The following SACM1L variants were observed in gnomAD, a reference collection of about 807,000 sequenced individuals.
SACM1L encodes SAC1 like phosphatidylinositide phosphatase, also known as phosphatidylinositol-3-phosphatase SAC1.
A neutral mutation model predicts 89.5 loss-of-function variants in SACM1L; 32 were observed. That is an observed-to-expected ratio of 0.36 (90% CI 0.27 to 0.48). The LOEUF (loss-of-function observed/expected upper bound fraction) is 0.48, where lower values mean the gene tolerates loss of function less well. Ranked by LOEUF, SACM1L falls within the 20% of genes least tolerant of loss-of-function variation. The probability of loss-of-function intolerance (pLI) is 0.99; values close to 1 mark genes in which losing one functional copy is unlikely to be tolerated. For synonymous variants in SACM1L, 213 were observed against 232.8 expected, an observed-to-expected ratio of 0.92 and a Z score of 0.77; for missense variants, 543 against 708.5, an observed-to-expected ratio of 0.77 and a Z score of 2.65.
At chr3:45,727,808 G>A (rs1698957789) in intron 11 of SACM1L, among the ~76,000 whole-genome samples, 1 of 152,042 alleles carries the variant, frequency 6.6e-6, no homozygotes, top group Non-Finnish European at 1.5e-5. Flanking sequence ...TGTTAGCCAG[G>A]GTGGTCTCAA....
At chr3:45,698,810 A>T (rs1362664645) in intron 1 of SACM1L, among the ~76,000 whole-genome samples, 1 of 152,008 alleles carries the variant, frequency 6.6e-6, no homozygotes, top group East Asian at 1.9e-4. Context: ...CTCTGTCACC[A>T]GCCTAGAGTG....
intron 19 of SACM1L, among the ~76,000 whole-genome samples, chr3:45,741,704 C>T (rs1329520119): frequency 1.3e-5 from 2 of 152,102 alleles, no homozygotes; most frequent in Admixed American, 1.3e-4. Context: ...AAAGAAAGAG[C>T]CATCTTATTA....
intron 13 of SACM1L, among the ~76,000 whole-genome samples, chr3:45,734,425 AAAAG>A (rs753568485): frequency 2.6e-5 from 4 of 151,882 alleles, no homozygotes; most frequent in Non-Finnish European, 4.4e-5. Flanking sequence ...AAAAAAAAGA[AAAAG>A]AAAAAAAATA....
At chr3:45,707,864 C>T (rs1457022812) in intron 4 of SACM1L, among the ~76,000 whole-genome samples, 3 of 151,244 alleles carry the variant, frequency 2.0e-5, no homozygotes, top group Non-Finnish European at 2.9e-5. Context: ...GACAAGAAGG[C>T]GGCAAGCACT....
At chr3:45,743,153 CTT>C (rs1466841969) in intron 19 of SACM1L, among the ~76,000 whole-genome samples, 1 of 151,990 alleles carries the variant, frequency 6.6e-6, no homozygotes, top group Admixed American at 6.6e-5. Flanking sequence ...ATGAATTAAA[CTT>C]AATAGTTATT....
chr3:45,713,690 T>A (rs1021226136), intron 6 of SACM1L: 32 of 169,662 alleles, frequency 1.9e-4, no homozygotes, highest in Admixed American at 1.1e-3. Context: ...TCTAATTGCT[T>A]TATTTCTTGT....
chr3:45,719,576 A>T lies in SACM1L; in HGVS notation c.654A>T (p.Arg218Ser). The T allele has an allele frequency of 6.2e-7, 1 of 1,611,886 alleles. No individual in the cohort carries two copies. The highest frequency in any genetic ancestry group is 8.5e-7 in the Non-Finnish European group (1 of 1,178,766). ...TCATCTCGAGGAGGAGCTGTTTCAGAGCTGGTGTGCGCTATTATGTAAGAG... is the reference window on the plus strand; with the variant it reads ...TCATCTCGAGGAGGAGCTGTTTCAGTGCTGGTGTGCGCTATTATGTAAGAG... ...WILISRRSCF[R>S]AGVRYYVRGI... is the part of the protein sequence containing the mutation. Residue 218 changes from arginine to serine, a missense_variant, in exon 8 of 20, where the codon AGA (arginine) becomes AGT (serine). This residue lies in a region of SACM1L where 370 missense variants were observed against 527.6 expected (regional missense o/e 0.70). Transcript: ENST00000389061.
At chr3:45,737,510 A>T in intron 14 of SACM1L, 73 bp from the exon 15 acceptor site, 1 of 1,412,604 alleles carries the variant, frequency 7.1e-7, no homozygotes, top group Non-Finnish European at 9.8e-7. Context: ...AAATTTGGGG[A>T]CTGCTTTTTC....
rs760291257 is a variant in SACM1L at position 45,714,255 on chromosome 3, T to TA, written c.577+177dup. On this transcript the variant is annotated intron_variant, in intron 7 of 19. Transcript: ENST00000389061. ...CTATTTTGTTTGTTTTTTTTTTTTT[T>TA]AGAATGAACTTTTCAGACTATACGA... 4.8e-4 allele frequency among the ~76,000 whole-genome samples: 72 copies of TA among 150,492 alleles called. 1 individual carries two copies. Among genetic ancestry groups the TA allele is most frequent in the Non-Finnish European group, 8.9e-4 (60 of 67,646 alleles).
At chr3:45,715,924 A>G (rs1257150007) in intron 7 of SACM1L, among the ~76,000 whole-genome samples, 2 of 152,116 alleles carry the variant, frequency 1.3e-5, no homozygotes, top group East Asian at 3.9e-4. Flanking sequence ...TTTCTAGGCA[A>G]TTTTAGAAAC....
At chr3:45,733,626 T>G (rs1699126467) in intron 13 of SACM1L, among the ~76,000 whole-genome samples, 1 of 152,220 alleles carries the variant, frequency 6.6e-6, no homozygotes, top group African/African-American at 2.4e-5. Flanking sequence ...TAGCCCTTGA[T>G]GAATCTGTTG....
rs574873403 is a variant in SACM1L at position 45,709,572 on chromosome 3, A to G, written c.408A>G (p.Thr136=). ...TGGATGGATTTTACTTTTCAACAAC[A>G]TATGATTTGACCCATACTTTGCAGC... The part of the protein sequence containing the change: ...LNVDGFYFST[T]YDLTHTLQRL... The change falls in exon 5 of 20, where the codon ACA becomes ACG. Residue 136 remains threonine, a synonymous_variant. Coordinates refer to ENST00000389061, the MANE Select transcript of SACM1L (RefSeq NM_014016.5). The G allele has an allele frequency of 3.6e-5, 58 of 1,613,920 alleles. No individual in the cohort carries two copies. In the South Asian group the frequency reaches 5.8e-4, roughly 16 times the overall value.
intron 13 of SACM1L, among the ~76,000 whole-genome samples, chr3:45,732,729 G>A (rs1218519505): frequency 2.0e-5 from 3 of 152,092 alleles, no homozygotes; most frequent in African/African-American, 7.2e-5. Context: ...GAATGTCTTT[G>A]CAGTACTATA....
At chr3:45,727,234 A>G (rs1255577342) in intron 11 of SACM1L, among the ~76,000 whole-genome samples, 11 of 152,130 alleles carry the variant, frequency 7.2e-5, no homozygotes, top group Admixed American at 3.3e-4. Flanking sequence ...CATTTGTCTC[A>G]GGTATTTTCT....
chr3:45,737,515 T>C, intron 14 of SACM1L, 68 bp from the exon 15 acceptor site: 1 of 1,474,982 alleles, frequency 6.8e-7, no homozygotes, highest in Non-Finnish European at 9.3e-7. Flanking sequence ...TGGGGACTGC[T>C]TTTTCTTCCT....
chr3:45,740,624 G>C (rs1010232857), intron 19 of SACM1L, among the ~76,000 whole-genome samples: 2 of 152,160 alleles, frequency 1.3e-5, no homozygotes, highest in African/African-American at 4.8e-5. Context: ...GAAAGCACAC[G>C]TAGGCAGAAA....
chr3:45,742,766 T>C (rs945840422), intron 19 of SACM1L: 1 of 152,280 alleles, frequency 6.6e-6, no homozygotes, highest in Non-Finnish European at 1.5e-5. Flanking sequence ...GTCTGTAGTG[T>C]GTTATGCTGA....
At position 45,722,910 on chromosome 3, in the gene SACM1L, C is replaced by T. The variant is rs1240773455; in HGVS notation, c.807C>T (p.Asn269=). The T allele has an allele frequency of 1.2e-6, 2 of 1,613,820 alleles. No homozygotes were observed. The highest frequency in any genetic ancestry group is 3.3e-5 in the Admixed American group (2 of 60,002). ...CTGTTTTCTGGTCCCAAAGACCAAA[C>T]CTCAAGTACAAACCACTGCCACAGA... ...SIPVFWSQRP[N]LKYKPLPQIS... The change falls in exon 10 of 20, where the codon AAC becomes AAT. Residue 269 remains asparagine, a synonymous_variant. Coordinates refer to ENST00000389061, the MANE Select transcript of SACM1L (RefSeq NM_014016.5).
At position 45,734,378 on chromosome 3, in the gene SACM1L, G is replaced by C. The variant is rs567164990; in HGVS notation, c.1101-857G>C. Among the ~76,000 whole-genome samples the C allele has an allele frequency of 1.7e-4, 25 of 150,926 alleles. 1 individual carries two copies. The South Asian group carries it at 5.2e-3, about 32-fold the overall frequency. On this transcript the variant is annotated intron_variant, in intron 13 of 19. Coordinates refer to ENST00000389061, the MANE Select transcript of SACM1L (RefSeq NM_014016.5). Reference sequence around the variant, plus strand: ...GAGTGAGCTGAGATCATGCCACTGTGCTTCAGTCTGGGTGACGGAGGGAGA... The same window carrying C: ...GAGTGAGCTGAGATCATGCCACTGTCCTTCAGTCTGGGTGACGGAGGGAGA...
Sources: gnomAD v4.1 joint callset for allele counts (sites outside exome capture counted in the v4.1 genomes callset) on GRCh38, gnomAD v4.1.1 for gene constraint, gnomAD v4.1.1 regional missense constraint, MANE v1.5 for transcripts, NCBI Gene and HGNC (gene_info 2026-07-23, HGNC 2026-07-21) for gene names.